Variants in PPHLN1 observed in about 807,000 individuals in gnomAD.
PPHLN1 encodes the protein periphilin 1.
A neutral mutation model predicts 51.3 loss-of-function variants in PPHLN1; 29 were observed. The ratio of observed to expected loss-of-function variants is 0.57; its 90% CI spans 0.42 to 0.77. The LOEUF (loss-of-function observed/expected upper bound fraction) is 0.77. Among genes scored for constraint, PPHLN1 ranks in the 30% least tolerant of loss-of-function variants. The pLI, the probability that PPHLN1 is intolerant of heterozygous loss-of-function variation, is 0.00. For missense variants in PPHLN1, 436 were observed against 438.4 expected, an observed-to-expected ratio of 0.99 and a Z score of 0.05; for synonymous variants, 147 against 147.8, an observed-to-expected ratio of 0.99 and a Z score of 0.04.
At chr12:42,437,889 GGTTTTT>G (rs1043286395) in intron 9 of PPHLN1, among the ~76,000 whole-genome samples, 68 of 152,020 alleles carry the variant, frequency 4.5e-4, no homozygotes, top group African/African-American at 1.5e-3. Context: ...AGTGTCTATG[GGTTTTT>G]GTTTTTGTTT....
At chr12:42,345,908 T>C (rs1464026806) in intron 2 of PPHLN1, among the ~76,000 whole-genome samples, 1 of 152,130 alleles carries the variant, frequency 6.6e-6, no homozygotes, top group African/African-American at 2.4e-5. Flanking sequence ...TTCCATTTTT[T>C]ATTTTTGTTT....
intron 5 of PPHLN1, among the ~76,000 whole-genome samples, chr12:42,383,719 G>A (rs71453352): frequency 5.9e-5 from 9 of 152,092 alleles, no homozygotes; most frequent in African/African-American, 2.2e-4. Flanking sequence ...GGTGGCTCAC[G>A]CCTGTAATCC....
chr12:42,446,321 C>T (rs1288479488), downstream of PPHLN1: 1 of 1,546,098 alleles, frequency 6.5e-7, no homozygotes, highest in Non-Finnish European at 8.7e-7. Flanking sequence ...CTCACTTTGC[C>T]TGTTACCCGT....
chr12:42,417,057 AGG>A (rs1182115775), intron 9 of PPHLN1, among the ~76,000 whole-genome samples: 1 of 152,160 alleles, frequency 6.6e-6, no homozygotes, highest in Admixed American at 6.5e-5. Context: ...CTACTTTTTG[AGG>A]GAGGGATAAT....
chr12:42,388,778 TTTAAAAA>T (rs2077417050), intron 7 of PPHLN1, among the ~76,000 whole-genome samples: 1 of 152,170 alleles, frequency 6.6e-6, no homozygotes, highest in Admixed American at 6.5e-5. Flanking sequence ...AAGACTTTAT[TTTAAAAA>T]TTAAAAATTA....
At chr12:42,408,000 G>T (rs2079466906) in intron 9 of PPHLN1, among the ~76,000 whole-genome samples, 1 of 152,150 alleles carries the variant, frequency 6.6e-6, no homozygotes, top group Non-Finnish European at 1.5e-5. Flanking sequence ...TATTTGGAGA[G>T]TTAGCCATCA....
chr12:42,400,739 A>G (rs1592737733), intron 9 of PPHLN1, among the ~76,000 whole-genome samples: 1 of 151,614 alleles, frequency 6.6e-6, no homozygotes, highest in African/African-American at 2.4e-5. Flanking sequence ...TTGAAATAAC[A>G]GGGGAGAGCG....
downstream of PPHLN1, chr12:42,446,561 A>G (rs190454665): frequency 4.3e-6 from 7 of 1,611,474 alleles, no homozygotes; most frequent in Admixed American, 1.2e-4. Context: ...AATTATACTC[A>G]TGTTTGTCTC....
chr12:42,353,435 G>T (rs2073651316), intron 3 of PPHLN1, among the ~76,000 whole-genome samples: 2 of 152,172 alleles, frequency 1.3e-5, no homozygotes. Context: ...CTTAGGATCG[G>T]TATGTATGGG....
intron 9 of PPHLN1, 53 bp downstream of exon 9, chr12:42,399,047 C>T (rs756525030): frequency 1.3e-6 from 2 of 1,589,216 alleles, no homozygotes; most frequent in South Asian, 2.3e-5. Flanking sequence ...TTGCTTTGCA[C>T]ATGTAAACAT....
At chr12:42,423,902 C>G (rs1272995344) in intron 9 of PPHLN1, among the ~76,000 whole-genome samples, 1 of 152,110 alleles carries the variant, frequency 6.6e-6, no homozygotes, top group Admixed American at 6.6e-5. Context: ...GTCTCAAACT[C>G]CTGACCTCAG....
intron 9 of PPHLN1, chr12:42,433,238 T>C (rs1277810524): frequency 2.7e-6 from 2 of 736,234 alleles, no homozygotes; most frequent in Non-Finnish European, 5.1e-6. Context: ...AATATACCTC[T>C]ACTTCATCTC....
intron 9 of PPHLN1, among the ~76,000 whole-genome samples, chr12:42,417,641 G>A (rs2080513292): frequency 1.3e-5 from 2 of 151,920 alleles, no homozygotes; most frequent in Admixed American, 1.3e-4. Flanking sequence ...AATTGACCAA[G>A]TAAAAACACT....
chr12:42,348,828 T>TTG (rs2072766873), intron 2 of PPHLN1, among the ~76,000 whole-genome samples: 1 of 148,842 alleles, frequency 6.7e-6, no homozygotes, highest in Non-Finnish European at 1.5e-5. Flanking sequence ...GTTTTTTTTT[T>TTG]GGGCAGCTTA....
intron 5 of PPHLN1, among the ~76,000 whole-genome samples, chr12:42,375,804 T>C (rs2076217981): frequency 6.6e-6 from 1 of 152,234 alleles, no homozygotes; most frequent in Non-Finnish European, 1.5e-5. Flanking sequence ...ATGACACAAC[T>C]ACTTTTCTAG....
At position 42,328,266 on chromosome 12, in the gene PPHLN1, G is replaced by A. The variant is rs1473022287; in HGVS notation, c.-21+2037G>A. Among the ~76,000 whole-genome samples, 3 of 152,154 alleles carry A rather than the reference G, an allele frequency of 2.0e-5. No homozygotes were observed. The East Asian group carries it at 5.8e-4, about 29-fold the overall frequency. On this transcript the variant is annotated intron_variant, in intron 1 of 9. Coordinates refer to ENST00000358314, the MANE Select transcript of PPHLN1 (RefSeq NM_201439.2). ...TGTTTGTGGCACAGTAAGGAAACAG[G>A]CATAATTATATGCTTTTGGAGAGAA...
chr12:42,352,150 C>A, intron 3 of PPHLN1, 101 bp downstream of exon 3: 1 of 1,058,610 alleles, frequency 9.4e-7, no homozygotes, highest in Non-Finnish European at 1.2e-6. Context: ...GTTGAATAAA[C>A]ACTTTCTGCT....
Position 42,367,134 on chromosome 12 carries a change from A to G in PPHLN1, c.300-7729A>G, listed in dbSNP as rs188740155. On this transcript the variant is annotated intron_variant, in intron 4 of 9. Transcript: ENST00000358314. ...TCAAATGTCAACCATGAGAGTTTCT[A>G]TCTCAGGGAAAAAAGGAGAGATTAT... Among the ~76,000 whole-genome samples the G allele has an allele frequency of 2.3e-3, 349 of 152,308 alleles. 1 individual carries two copies. Among genetic ancestry groups the G allele is most frequent in the African/African-American group, 8.2e-3 (339 of 41,564 alleles).
At position 42,398,809 on chromosome 12, in the gene PPHLN1, A is replaced by G. The variant is rs746096233; in HGVS notation, c.769-45A>G. 18 of 1,591,048 alleles carry G rather than the reference A, an allele frequency of 1.1e-5. No individual in the cohort carries two copies. The African/African-American group carries it at 1.6e-4, about 14-fold the overall frequency. Reference sequence around the variant, plus strand: ...TATACACAACCATCTGAACTGCTCTATGTTTTTTAAGAAAATAATTAAAGA... The same window carrying G: ...TATACACAACCATCTGAACTGCTCTGTGTTTTTTAAGAAAATAATTAAAGA... On this transcript the variant is annotated intron_variant, in intron 8 of 9. Coordinates refer to ENST00000358314, the MANE Select transcript of PPHLN1 (RefSeq NM_201439.2).
Sources: gnomAD v4.1 joint callset for allele counts (sites outside exome capture counted in the v4.1 genomes callset) on GRCh38, gnomAD v4.1.1 for gene constraint, MANE v1.5 for transcripts, NCBI Gene and HGNC (gene_info 2026-07-23, HGNC 2026-07-21) for gene names.